The following SUPT3H variants were observed in gnomAD, a reference collection of about 807,000 sequenced individuals.
SUPT3H encodes transcription initiation protein SPT3 homolog.
In SUPT3H, 44 loss-of-function variants were observed where a neutral mutation model predicts 44.3. That is an observed-to-expected ratio of 0.99 (90% CI 0.78 to 1.28). The LOEUF (loss-of-function observed/expected upper bound fraction) is 1.28, where lower values mean the gene tolerates loss of function less well. Among genes scored for constraint, SUPT3H ranks in the 50% most tolerant of loss-of-function variants. The pLI is 0.00. For missense variants in SUPT3H, 380 were observed against 387.1 expected, an observed-to-expected ratio of 0.98 and a Z score of 0.15; for synonymous variants, 124 against 125.6, an observed-to-expected ratio of 0.99 and a Z score of 0.09.
At chr6:45,209,546 A>C (rs1457745043) in intron 2 of SUPT3H, among the ~76,000 whole-genome samples, 2 of 152,230 alleles carry the variant, frequency 1.3e-5, no homozygotes, top group Non-Finnish European at 2.9e-5. Context: ...TTGTGTGACT[A>C]AAGTGCTGCA....
At chr6:44,876,678 T>G (rs1777337277) in intron 10 of SUPT3H, among the ~76,000 whole-genome samples, 1 of 149,608 alleles carries the variant, frequency 6.7e-6, no homozygotes, top group South Asian at 2.1e-4. Context: ...AAAAAAAAAA[T>G]TAAACAACAT....
chr6:45,067,703 C>A, intron 3 of SUPT3H, among the ~76,000 whole-genome samples: 1 of 148,854 alleles, frequency 6.7e-6, no homozygotes. Flanking sequence ...CCAAGAAACA[C>A]ATGAAAAAAT....
chr6:45,334,449 CAAAAAAAAAAAAA>C (rs551014969), intron 2 of SUPT3H, among the ~76,000 whole-genome samples: 1 of 91,760 alleles, frequency 1.1e-5, no homozygotes. Context: ...TCAGGAAAAG[CAAAAAAAAAAAAA>C]AAAAAAAGAC....
chr6:45,220,669 T>C (rs1009800324), intron 2 of SUPT3H, among the ~76,000 whole-genome samples: 2 of 152,116 alleles, frequency 1.3e-5, no homozygotes, highest in African/African-American at 2.4e-5. Context: ...ACTGTCTGCA[T>C]AGAAAATCAC....
At chr6:45,115,635 G>A (rs1800734905) in intron 2 of SUPT3H, among the ~76,000 whole-genome samples, 1 of 152,144 alleles carries the variant, frequency 6.6e-6, no homozygotes, top group Non-Finnish European at 1.5e-5. Flanking sequence ...GGACTTTAGT[G>A]AGAGGATTCC....
chr6:44,946,973 C>T (rs539789816), intron 9 of SUPT3H, among the ~76,000 whole-genome samples: 2 of 152,258 alleles, frequency 1.3e-5, no homozygotes, highest in African/African-American at 2.4e-5. Context: ...CACAGCTACC[C>T]CAACCTTCGG....
intron 2 of SUPT3H, among the ~76,000 whole-genome samples, chr6:45,128,526 AAAAAAAAAT>A (rs1460855549): frequency 4.4e-5 from 3 of 67,506 alleles, no homozygotes; most frequent in African/African-American, 1.9e-4. Flanking sequence ...AAAAAAAAAA[AAAAAAAAAT>A]ATATATATAT....
intron 2 of SUPT3H, among the ~76,000 whole-genome samples, chr6:45,309,066 T>C (rs1345882978): frequency 6.6e-6 from 1 of 151,552 alleles, no homozygotes; most frequent in Non-Finnish European, 1.5e-5. Context: ...ATAAGCTAGC[T>C]AGTCATTTTG....
chr6:44,919,816 G>A (rs1017764936), intron 10 of SUPT3H, among the ~76,000 whole-genome samples: 9 of 152,026 alleles, frequency 5.9e-5, no homozygotes, highest in Non-Finnish European at 5.9e-5. Context: ...CACCTAATTT[G>A]TTTCCTTGCC....
At chr6:44,879,253 C>T (rs1219461364) in intron 10 of SUPT3H, among the ~76,000 whole-genome samples, 2 of 152,146 alleles carry the variant, frequency 1.3e-5, no homozygotes, top group East Asian at 3.9e-4. Flanking sequence ...GGGGCGTCCA[C>T]CATTACTGAG....
chr6:44,843,999 C>G (rs1464435802), intron 10 of SUPT3H, among the ~76,000 whole-genome samples: 1 of 151,294 alleles, frequency 6.6e-6, no homozygotes, highest in Non-Finnish European at 1.5e-5. Flanking sequence ...GGCACACTAC[C>G]TAATTTTAAA....
At chr6:44,883,785 T>G (rs1778660540) in intron 10 of SUPT3H, among the ~76,000 whole-genome samples, 1 of 152,154 alleles carries the variant, frequency 6.6e-6, no homozygotes, top group Admixed American at 6.5e-5. Flanking sequence ...ATTCCCTATT[T>G]AATAAATGGT....
intron 2 of SUPT3H, among the ~76,000 whole-genome samples, chr6:45,122,262 T>C (rs890280804): frequency 6.6e-6 from 1 of 152,270 alleles, no homozygotes; most frequent in African/African-American, 2.4e-5. Context: ...CAAGGCTGTC[T>C]GTAGCACTTT....
intron 5 of SUPT3H, among the ~76,000 whole-genome samples, chr6:45,010,149 T>C (rs1783275615): frequency 6.6e-6 from 1 of 152,156 alleles, no homozygotes; most frequent in South Asian, 2.1e-4. Flanking sequence ...GCATAGCTGA[T>C]ATATTAAAAT....
chr6:44,933,386 T>C (rs1345058503), intron 9 of SUPT3H, among the ~76,000 whole-genome samples: 2 of 152,150 alleles, frequency 1.3e-5, no homozygotes, highest in Non-Finnish European at 2.9e-5. Context: ...TAAGGATTAT[T>C]TGCGATGAGA....
chr6:45,249,460 A>T lies in SUPT3H; in HGVS notation c.101+115741T>A, dbSNP rs1379581743. Among the ~76,000 whole-genome samples, 3 of 152,156 alleles carry T rather than the reference A, an allele frequency of 2.0e-5. No individual in the cohort carries two copies. In the East Asian group the frequency reaches 5.8e-4, roughly 29 times the overall value. On this transcript the variant is annotated intron_variant, in intron 2 of 10. Coordinates refer to ENST00000371459, the MANE Select transcript of SUPT3H (RefSeq NM_003599.4). ...ACAAACAACAGACACACAAAAAAAA[A>T]AAGGGAAAGGAAGACAGCACACAAA...
chr6:45,147,557 A>G (rs549804923), intron 2 of SUPT3H, among the ~76,000 whole-genome samples: 3 of 151,998 alleles, frequency 2.0e-5, no homozygotes, highest in Non-Finnish European at 4.4e-5. Flanking sequence ...GATATATATA[A>G]AGGAAGGGTA....
At chr6:44,835,025 CCT>C (rs1384542170) in intron 10 of SUPT3H, among the ~76,000 whole-genome samples, 1 of 152,046 alleles carries the variant, frequency 6.6e-6, no homozygotes, top group African/African-American at 2.4e-5. Flanking sequence ...ACTTAATTTT[CCT>C]GAGTGCCCAA....
chr6:45,370,682 AAAACACCC>A (rs1795914435), intron 1 of SUPT3H, among the ~76,000 whole-genome samples: 1 of 152,186 alleles, frequency 6.6e-6, no homozygotes, highest in Admixed American at 6.5e-5. Flanking sequence ...TGAAAATATC[AAAACACCC>A]TGTAAACATG....
Sources: allele counts gnomAD v4.1 joint callset (sites outside exome capture counted in the v4.1 genomes callset), GRCh38; gene constraint gnomAD v4.1.1; transcripts MANE v1.5; gene names NCBI Gene and HGNC (gene_info 2026-07-23, HGNC 2026-07-21).